The following MAST2 variants were observed in gnomAD, a reference collection of about 807,000 sequenced individuals.
MAST2 encodes microtubule-associated serine/threonine-protein kinase 2.
Under a neutral mutation model 147.4 loss-of-function variants are expected in MAST2, and 70 were observed. The ratio of observed to expected loss-of-function variants is 0.47; its 90% confidence interval spans 0.39 to 0.58. The LOEUF (loss-of-function observed/expected upper bound fraction) is 0.58, where lower values mean the gene tolerates loss of function less well. MAST2 is among the 20% of genes least tolerant of loss of function. The pLI, the probability that MAST2 is intolerant of heterozygous loss-of-function variation, is 0.00. For missense variants in MAST2, 2,080 were observed against 2,302.3 expected (o/e 0.90, Z 1.98); for synonymous variants, 869 against 896.8 (o/e 0.97, Z 0.55).
At chr1:46,029,169 G>A (rs1646534898) in intron 18 of MAST2, 2 of 555,480 alleles carry the variant, frequency 3.6e-6, no homozygotes, top group Non-Finnish European at 3.2e-6. Flanking sequence ...ATATACACCT[G>A]GGTGTTCCTG....
At chr1:45,840,108 G>T (rs2147899499) in intron 3 of MAST2, among the ~76,000 whole-genome samples, 1 of 152,240 alleles carries the variant, frequency 6.6e-6, no homozygotes, top group South Asian at 2.1e-4. Flanking sequence ...AAAAAAATTG[G>T]CTTTTATCAG....
chr1:45,987,777 A>ATTTTTTTTTTTTTTTTTTTTTTTTTTGTT lies in MAST2; in HGVS notation c.593-9923_593-9922insTTGTTTTTTTTTTTTTTTTTTTTTTTTTT. Among the ~76,000 whole-genome samples, 90 of 21,826 alleles carry ATTTTTTTTTTTTTTTTTTTTTTTTTTGTT rather than the reference A, an allele frequency of 4.1e-3. 3 individuals carry two copies. Among genetic ancestry groups the ATTTTTTTTTTTTTTTTTTTTTTTTTTGTT allele is most frequent in the African/African-American group, 4.4e-3 (21 of 4,754 alleles). 14.3% of individuals were successfully genotyped at this position (21,826 alleles called of 152,430 possible). A position where few individuals can be genotyped will look rare whatever the true frequency, so the allele number is the denominator to read the frequency against. On this transcript the variant is annotated intron_variant, in intron 5 of 28. Transcript: ENST00000361297. ...AGCATTTCTTGTTTTTTTTTTTTTG[A>ATTTTTTTTTTTTTTTTTTTTTTTTTTGTT]TTTTTTTTTTTTTTTTTTTTTTTTG...
chr1:45,854,423 C>T (rs1165660663), intron 3 of MAST2, among the ~76,000 whole-genome samples: 1 of 151,716 alleles, frequency 6.6e-6, no homozygotes, highest in East Asian at 1.9e-4. Context: ...GACTCTCCTT[C>T]TGCCATTACC....
At chr1:45,857,947 CT>C (rs1570400785) in intron 3 of MAST2, among the ~76,000 whole-genome samples, 1 of 144,586 alleles carries the variant, frequency 6.9e-6, no homozygotes, top group Non-Finnish European at 1.5e-5. Context: ...TGAACATATC[CT>C]TTTTTATGGC....
At chr1:45,858,895 T>G (rs375636453) in intron 3 of MAST2, among the ~76,000 whole-genome samples, 12 of 151,938 alleles carry the variant, frequency 7.9e-5, no homozygotes, top group Admixed American at 2.6e-4. Flanking sequence ...GTTTTTGTCA[T>G]GTTTGTCAAA....
chr1:45,984,133 C>T (rs892568455), intron 5 of MAST2, among the ~76,000 whole-genome samples: 1 of 152,014 alleles, frequency 6.6e-6, no homozygotes, highest in Admixed American at 6.5e-5. Flanking sequence ...ACTATAATAC[C>T]TCTTCATTAG....
intron 3 of MAST2, among the ~76,000 whole-genome samples, chr1:45,853,163 C>T (rs1645676786): frequency 6.6e-6 from 1 of 152,082 alleles, no homozygotes; most frequent in East Asian, 1.9e-4. Flanking sequence ...CTCCTGAGCT[C>T]AGGTGATCCA....
At chr1:45,895,683 A>G (rs1040274029) in intron 4 of MAST2, among the ~76,000 whole-genome samples, 1 of 152,216 alleles carries the variant, frequency 6.6e-6, no homozygotes, top group South Asian at 2.1e-4. Context: ...AAAACAAAAA[A>G]TCATGGCTTT....
At chr1:45,982,831 A>C (rs755016722) in intron 5 of MAST2, among the ~76,000 whole-genome samples, 14 of 152,166 alleles carry the variant, frequency 9.2e-5, no homozygotes, top group Non-Finnish European at 1.9e-4. Context: ...AGTCTTGTTG[A>C]GGACTTTGCT....
At chr1:45,885,293 C>G (rs541410678) in intron 4 of MAST2, among the ~76,000 whole-genome samples, 10 of 152,196 alleles carry the variant, frequency 6.6e-5, no homozygotes, top group African/African-American at 2.2e-4. Flanking sequence ...TATAAAGGCC[C>G]GTTTCCTCTG....
intron 4 of MAST2, among the ~76,000 whole-genome samples, chr1:45,927,513 C>T (rs1419031143): frequency 1.3e-5 from 2 of 150,556 alleles, no homozygotes; most frequent in Non-Finnish European, 3.0e-5. Context: ...AAGAATTCAG[C>T]GATATTTCTC....
chr1:45,998,969 T>C (rs1358150926), intron 6 of MAST2, among the ~76,000 whole-genome samples: 4 of 152,148 alleles, frequency 2.6e-5, no homozygotes, highest in Admixed American at 6.5e-5. Flanking sequence ...CCTGACCTCG[T>C]GATCCACCCG....
intron 3 of MAST2, among the ~76,000 whole-genome samples, chr1:45,869,189 A>G (rs1208302615): frequency 6.6e-6 from 1 of 152,208 alleles, no homozygotes; most frequent in Non-Finnish European, 1.5e-5. Flanking sequence ...CCATGCAGTT[A>G]AAACCTGAGT....
In MAST2 at chr1:46,022,085, G is replaced by C. The variant is rs375364132; in HGVS notation, c.1423+3G>C. 13 of 1,613,914 alleles carry C rather than the reference G, an allele frequency of 8.1e-6. No homozygotes were observed. The highest frequency in any genetic ancestry group is 1.6e-4 in the Middle Eastern group (1 of 6,082). On this transcript the variant is annotated splice_donor_region_variant and intron_variant, in intron 12 of 28. Coordinates refer to ENST00000361297, the MANE Select transcript of MAST2 (RefSeq NM_015112.3). ...CCTCACCCGGGATCCCCTAGAAGGT[G>C]AGCATGCTGCCTAGTGGCTGCAAAG...
chr1:46,023,007 C>A lies in MAST2; in HGVS notation c.1485+36C>A. ...TGAGCTCCTACCCCATTCCTGGAGC[C>A]TGGGCCCTATGAAGCAAAGAGCTAT... On this transcript the variant is annotated intron_variant, in intron 13 of 28. Transcript: ENST00000361297. The surrounding 1 kb of genome is among the most constrained non-coding windows in gnomAD (Gnocchi z 4.9). The A allele has an allele frequency of 6.3e-7, 1 of 1,582,222 alleles. No individual in the cohort carries two copies. The highest frequency in any genetic ancestry group is 8.7e-7 in the Non-Finnish European group (1 of 1,151,964).
chr1:45,959,522 C>T (rs1290675367), intron 5 of MAST2, 45 bp downstream of exon 5: 1 of 1,494,296 alleles, frequency 6.7e-7, no homozygotes, highest in Non-Finnish European at 9.3e-7. Flanking sequence ...AGAGTGGCCA[C>T]AGATGCCCAA....
At chr1:45,936,751 C>A (rs187590437) in intron 4 of MAST2, among the ~76,000 whole-genome samples, 1 of 152,128 alleles carries the variant, frequency 6.6e-6, no homozygotes. Context: ...TCAACCCCAA[C>A]CCAGCCACAT....
chr1:45,806,151 A>G (rs1278502111), intron 1 of MAST2, among the ~76,000 whole-genome samples: 1 of 152,224 alleles, frequency 6.6e-6, no homozygotes, highest in Non-Finnish European at 1.5e-5. Flanking sequence ...CCAGTACCCT[A>G]GAATGCTCCC....
chr1:45,921,109 C>T (rs895584942), intron 4 of MAST2, among the ~76,000 whole-genome samples: 3 of 152,212 alleles, frequency 2.0e-5, no homozygotes, highest in African/African-American at 7.2e-5. Flanking sequence ...AGTTCTCCTG[C>T]CTCAGCCTCC....
Sources: gnomAD v4.1 joint callset for allele counts (sites outside exome capture counted in the v4.1 genomes callset) on GRCh38, gnomAD v4.1.1 for gene constraint, Gnocchi (gnomAD v3.1) non-coding constraint, MANE v1.5 for transcripts, NCBI Gene and HGNC (gene_info 2026-07-23, HGNC 2026-07-21) for gene names.